RAB38: variants seen among roughly 807,000 people sequenced by gnomAD.
RAB38 encodes ras-related protein Rab-38.
In RAB38, 15 loss-of-function variants were observed where a neutral mutation model predicts 18.4. That is an observed-to-expected ratio of 0.82 (90% CI 0.55 to 1.26). RAB38 has a LOEUF of 1.26. RAB38 is among the 50% of genes most tolerant of loss of function. RAB38 has a pLI of 0.00. For missense variants in RAB38, 294 were observed against 267.4 expected (o/e 1.10, Z -0.69); for synonymous variants, 101 against 104.4 (o/e 0.97, Z 0.20).
chr11:88,066,641 A>G, the RAB38 span, among the ~76,000 whole-genome samples: 1 of 152,166 alleles, frequency 6.6e-6, no homozygotes, highest in East Asian at 1.9e-4. Flanking sequence ...ATATATCTGG[A>G]TTTGACTGGC....
chr11:88,024,429 CT>C, the RAB38 span, among the ~76,000 whole-genome samples: 1 of 152,088 alleles, frequency 6.6e-6, no homozygotes, highest in African/African-American at 2.4e-5. Context: ...TCATATACTT[CT>C]GATAAGAATG....
At chr11:87,879,799 C>T in the RAB38 span, 1 of 151,492 alleles carries the variant, frequency 6.6e-6, no homozygotes, top group Admixed American at 6.6e-5. Flanking sequence ...GCTGTTTTAA[C>T]CATAAACAAC....
the RAB38 span, among the ~76,000 whole-genome samples, chr11:87,914,946 C>G: frequency 1.3e-5 from 2 of 152,126 alleles, no homozygotes; most frequent in African/African-American, 4.8e-5. Flanking sequence ...GCAAAAGCCA[C>G]AGAGGCTTGG....
At chr11:88,037,788 C>A in the RAB38 span, among the ~76,000 whole-genome samples, 1 of 151,946 alleles carries the variant, frequency 6.6e-6, no homozygotes, top group African/African-American at 2.4e-5. Flanking sequence ...GCTCAGTATT[C>A]CATTGTAAAG....
At chr11:88,065,951 G>A in the RAB38 span, among the ~76,000 whole-genome samples, 1 of 152,172 alleles carries the variant, frequency 6.6e-6, no homozygotes, top group South Asian at 2.1e-4. Context: ...TGTCAGGCAA[G>A]GCTTTGATAA....
At chr11:87,951,694 G>A in the RAB38 span, among the ~76,000 whole-genome samples, 27 of 152,266 alleles carry the variant, frequency 1.8e-4, no homozygotes, top group African/African-American at 5.5e-4. Context: ...TATCAGCAGC[G>A]GAGGCTGCAG....
At chr11:88,166,758 GAAA>G (rs977759909) in intron 1 of RAB38, 1 of 151,440 alleles carries the variant, frequency 6.6e-6, no homozygotes, top group Non-Finnish European at 1.5e-5. Context: ...TTCATGGTTG[GAAA>G]AAAAATAGAA....
At chr11:88,072,972 G>A in the RAB38 span, among the ~76,000 whole-genome samples, 12 of 152,046 alleles carry the variant, frequency 7.9e-5, no homozygotes, top group African/African-American at 2.9e-4. Context: ...AAAAAACTCA[G>A]AGCGAACAAT....
the RAB38 span, among the ~76,000 whole-genome samples, chr11:87,968,425 G>T: frequency 6.6e-6 from 1 of 152,090 alleles, no homozygotes; most frequent in Admixed American, 6.6e-5. Flanking sequence ...ACTAAATTGT[G>T]GTCAAAGAGA....
At chr11:88,080,833 T>C in the RAB38 span, among the ~76,000 whole-genome samples, 1 of 88,156 alleles carries the variant, frequency 1.1e-5, no homozygotes, top group African/African-American at 4.9e-5. Flanking sequence ...CAATTTAGCA[T>C]GGAAGGAAGG....
chr11:88,029,643 A>G, the RAB38 span, among the ~76,000 whole-genome samples: 18 of 152,316 alleles, frequency 1.2e-4, no homozygotes, highest in African/African-American at 4.1e-4. Context: ...AGGCCATTAC[A>G]TAATGGTAAA....
At chr11:87,932,374 G>A in the RAB38 span, among the ~76,000 whole-genome samples, 1 of 152,002 alleles carries the variant, frequency 6.6e-6, no homozygotes, top group African/African-American at 2.4e-5. Flanking sequence ...CACCAGAAGG[G>A]AGAGAAAAAC....
chr11:87,878,251 CATCTATCTATCTA>C, the RAB38 span, among the ~76,000 whole-genome samples: 1 of 103,436 alleles, frequency 9.7e-6, no homozygotes, highest in African/African-American at 5.5e-5. Context: ...ACACACCTAT[CATCTATCTATCTA>C]TCTATCTATC....
the RAB38 span, among the ~76,000 whole-genome samples, chr11:88,072,211 T>C: frequency 6.6e-6 from 1 of 152,194 alleles, no homozygotes; most frequent in Admixed American, 6.5e-5. Context: ...AGGAAGCTTG[T>C]AGAAAGAGTC....
chr11:87,880,894 T>A, the RAB38 span, among the ~76,000 whole-genome samples: 1 of 151,908 alleles, frequency 6.6e-6, no homozygotes, highest in Admixed American at 6.6e-5. Context: ...TATGTTCATA[T>A]GTGGAATAAA....
chr11:87,879,012 G>T, the RAB38 span, among the ~76,000 whole-genome samples: 3 of 118,406 alleles, frequency 2.5e-5, no homozygotes, highest in Admixed American at 1.0e-4. Context: ...AATATGTATT[G>T]CCTAGGAATT....
At chr11:87,839,427 C>T in the RAB38 span, among the ~76,000 whole-genome samples, 1 of 152,166 alleles carries the variant, frequency 6.6e-6, no homozygotes, top group Admixed American at 6.5e-5. Context: ...CAGGAGTATA[C>T]ATAGGCTATA....
the RAB38 span, among the ~76,000 whole-genome samples, chr11:87,939,269 A>G: frequency 6.6e-6 from 1 of 152,030 alleles, no homozygotes; most frequent in Non-Finnish European, 1.5e-5. Flanking sequence ...TTATGGGTAG[A>G]TAAAATCCAT....
intron 2 of RAB38, among the ~76,000 whole-genome samples, chr11:88,123,193 G>C (rs1236666325): frequency 6.6e-6 from 1 of 152,114 alleles, no homozygotes; most frequent in Admixed American, 6.5e-5. Flanking sequence ...CTCTATTCTG[G>C]CACTTACCCA....
Sources: gnomAD v4.1 joint callset for allele counts (sites outside exome capture counted in the v4.1 genomes callset) on GRCh38, gnomAD v4.1.1 for gene constraint, MANE v1.5 for transcripts, NCBI Gene and HGNC (gene_info 2026-07-23, HGNC 2026-07-21) for gene names.